VAV1: variants seen among roughly 807,000 people sequenced by gnomAD.
VAV1 encodes proto-oncogene vav.
Under a neutral mutation model 128.1 loss-of-function variants are expected in VAV1, and 33 were observed. The observed-to-expected ratio is 0.26, with a 90% CI of 0.20 to 0.34. The LOEUF is 0.34. VAV1 is among the 10% of genes least tolerant of loss of function. The pLI is 1.00. For missense variants in VAV1, 715 were observed against 1,093.7 expected, an observed-to-expected ratio of 0.65 and a Z score of 4.88; for synonymous variants, 394 against 409.8, an observed-to-expected ratio of 0.96 and a Z score of 0.47.
rs1292201313 is a variant in VAV1 at position 6,840,314 on chromosome 19, T to A, written c.1981-2821T>A. On this transcript the variant is annotated intron_variant, in intron 21 of 26. Transcript: ENST00000602142. Reference sequence around the variant, plus strand: ...TCAGAATTTTCTTTCTTTTTTTTTTTTTTTTTGGTGAAATGGAGTCTCGCT... The same window carrying A: ...TCAGAATTTTCTTTCTTTTTTTTTTATTTTTTGGTGAAATGGAGTCTCGCT... Among the ~76,000 whole-genome samples, 9 of 151,380 alleles carry A rather than the reference T, an allele frequency of 5.9e-5. No homozygotes were observed. The East Asian group carries it at 1.7e-3, about 29-fold the overall frequency.
intron 19 of VAV1, among the ~76,000 whole-genome samples, chr19:6,834,441 A>C (rs1450353287): frequency 6.6e-6 from 1 of 151,314 alleles, no homozygotes; most frequent in Non-Finnish European, 1.5e-5. Flanking sequence ...ACGGGGTTTC[A>C]CCATGTTGGG....
intron 22 of VAV1, among the ~76,000 whole-genome samples, chr19:6,845,078 T>C (rs1041073727): frequency 6.6e-6 from 1 of 152,084 alleles, no homozygotes; most frequent in Non-Finnish European, 1.5e-5. Flanking sequence ...GCATTCGTTT[T>C]TTAAAATTGA....
In VAV1 at chr19:6,798,672, C is replaced by T. The variant is rs935788687; in HGVS notation, c.205-22030C>T. Among the ~76,000 whole-genome samples the T allele has an allele frequency of 4.5e-4, 68 of 151,472 alleles. 1 individual carries two copies. Among genetic ancestry groups the T allele is most frequent in the African/African-American group, 1.6e-3 (64 of 41,190 alleles). ...TGTTTCTCCCCTTCCCCCCCCCACC[C>T]AAAAGAAGGGGGAAAAAAGAAAGAA... On this transcript the variant is annotated intron_variant, in intron 1 of 26. Coordinates refer to ENST00000602142, the MANE Select transcript of VAV1 (RefSeq NM_005428.4).
rs781188420 is a variant in VAV1, at chr19:6,833,902, T to C, written c.1732-6T>C. 6.2e-7 allele frequency: 1 copy of C among 1,614,052 alleles called. No individual in the cohort carries two copies. Among genetic ancestry groups the C allele is most frequent in the Non-Finnish European group, 8.5e-7 (1 of 1,180,012 alleles). On this transcript the variant is annotated splice_polypyrimidine_tract_variant and splice_region_variant and intron_variant, in intron 18 of 26. Coordinates refer to ENST00000602142, the MANE Select transcript of VAV1 (RefSeq NM_005428.4). The stretch of plus-strand genomic sequence containing the variant: ...GTAGACAGGCTTTCTTTGTTTCTCC[T>C]TCCAGGACAAACTACATCGCAGGGC...
At chr19:6,785,661 CTTTT>C (rs754577854) in intron 1 of VAV1, among the ~76,000 whole-genome samples, 1 of 128,502 alleles carries the variant, frequency 7.8e-6, no homozygotes, top group Non-Finnish European at 1.7e-5. Context: ...TTCTTTCTTT[CTTTT>C]TTTTTTTTTT....
Position 6,781,390 on chromosome 19 carries a change from C to A in VAV1, c.204+8379C>A, listed in dbSNP as rs183819770. The stretch of plus-strand genomic sequence containing the variant: ...GCTTCTCTGCCGCCTCCCCGACAGA[C>A]GGTTCTGTTGCCAAGATTCTGGAGT... On this transcript the variant is annotated intron_variant, in intron 1 of 26. Coordinates refer to ENST00000602142, the MANE Select transcript of VAV1 (RefSeq NM_005428.4). Among the ~76,000 whole-genome samples, 11 of 152,272 alleles carry A rather than the reference C, an allele frequency of 7.2e-5. No homozygotes were observed. In the East Asian group the frequency reaches 1.9e-3, roughly 27 times the overall value.
Position 6,784,105 on chromosome 19 carries a change from T to A in VAV1, c.204+11094T>A, listed in dbSNP as rs140178188. The A allele has an allele frequency of 4.1e-3, 1,742 of 424,178 alleles. 8 individuals are homozygous for A. The highest frequency in any genetic ancestry group is 8.2e-3 in the Middle Eastern group (14 of 1,702). The allele number at this position is 424,178 out of a possible 1,614,324, so 26.3% of individuals were successfully genotyped here. On this transcript the variant is annotated intron_variant, in intron 1 of 26. Transcript: ENST00000602142. ...CCCGTCTCTACAAAAAATAAAAAAA[T>A]AAGCCCGGCATGGTGGTGCACGCCT...
chr19:6,818,559 T>C (rs58882129), intron 1 of VAV1, among the ~76,000 whole-genome samples: 57,467 of 151,988 alleles, frequency 0.38, 11,287 homozygotes, highest in East Asian at 0.64. Flanking sequence ...TGGGTTGAAC[T>C]GTGTCCCCCC....
chr19:6,838,505 A>G (rs1972287055), intron 21 of VAV1, among the ~76,000 whole-genome samples: 1 of 151,922 alleles, frequency 6.6e-6, no homozygotes, highest in Non-Finnish European at 1.5e-5. Context: ...TCTATGTATC[A>G]TCTGTCTATG....
intron 22 of VAV1, among the ~76,000 whole-genome samples, chr19:6,846,981 T>C (rs2144820679): frequency 6.6e-6 from 1 of 150,994 alleles, no homozygotes; most frequent in East Asian, 1.9e-4. Flanking sequence ...TGGTGTGATC[T>C]CAGCTCACTG....
rs2144777445 is a variant in VAV1 at position 6,825,539 on chromosome 19, G to A, written c.827+133G>A. 5.7e-6 allele frequency: 4 copies of A among 701,472 alleles called. No homozygotes were observed. The East Asian group carries it at 1.1e-4, about 19-fold the overall frequency. 43.5% of individuals were successfully genotyped at this position (701,472 alleles called of 1,614,324 possible). Reference sequence around the variant, plus strand: ...GCTGTGTGTTCATGGGCGAGGGGCTGCCCATCTCTGGTTCAATTCCCAGCT... The same window carrying A: ...GCTGTGTGTTCATGGGCGAGGGGCTACCCATCTCTGGTTCAATTCCCAGCT... On this transcript the variant is annotated intron_variant, in intron 8 of 26. Coordinates refer to ENST00000602142, the MANE Select transcript of VAV1 (RefSeq NM_005428.4).
At chr19:6,814,967 T>C (rs1166718475) in intron 1 of VAV1, among the ~76,000 whole-genome samples, 1 of 151,806 alleles carries the variant, frequency 6.6e-6, no homozygotes, top group Non-Finnish European at 1.5e-5. Context: ...CTCTTTCTTT[T>C]GATCAGGAAT....
At chr19:6,784,913 G>C (rs561449825) in intron 1 of VAV1, among the ~76,000 whole-genome samples, 12 of 152,032 alleles carry the variant, frequency 7.9e-5, no homozygotes, top group Non-Finnish European at 1.0e-4. Flanking sequence ...GCCCTTCCCT[G>C]GTTCCCCACT....
intron 1 of VAV1, among the ~76,000 whole-genome samples, chr19:6,817,289 C>A (rs562548715): frequency 6.6e-6 from 1 of 151,538 alleles, no homozygotes; most frequent in African/African-American, 2.4e-5. Context: ...GTTTTGAACT[C>A]CTGACCTCAA....
intron 1 of VAV1, chr19:6,816,505 T>A (rs1391456973): frequency 6.8e-6 from 1 of 147,136 alleles, no homozygotes; most frequent in Non-Finnish European, 1.5e-5. Flanking sequence ...TCTCTCTCTC[T>A]CACACGCACA....
At chr19:6,779,886 C>T (rs938242684) in intron 1 of VAV1, among the ~76,000 whole-genome samples, 10 of 149,138 alleles carry the variant, frequency 6.7e-5, no homozygotes, top group African/African-American at 1.7e-4. Context: ...CCGAGGCGGG[C>T]GGATCACAAG....
In VAV1 at chr19:6,850,631, G is replaced by C. The variant is rs763790618; in HGVS notation, c.2130-39G>C. 28 of 1,601,406 alleles carry C rather than the reference G, an allele frequency of 1.7e-5. 2 individuals are homozygous for C. The South Asian group carries it at 2.5e-4, about 15-fold the overall frequency. On this transcript the variant is annotated intron_variant, in intron 23 of 26. Coordinates refer to ENST00000602142, the MANE Select transcript of VAV1 (RefSeq NM_005428.4). ...CTGGGGCTTGGTGGGGAATGGGCCT[G>C]GTCCCCAGACTCAGGGCCCGGTGAC...
intron 1 of VAV1, among the ~76,000 whole-genome samples, chr19:6,795,602 T>C (rs551621372): frequency 1.3e-5 from 2 of 152,298 alleles, no homozygotes; most frequent in African/African-American, 2.4e-5. Context: ...AACGGTTTAC[T>C]ATGTCCTGGC....
chr19:6,824,962 T>C (rs1235628312), intron 6 of VAV1, 91 bp from the exon 7 acceptor site: 8 of 1,336,096 alleles, frequency 6.0e-6, no homozygotes, highest in Non-Finnish European at 8.6e-6. Flanking sequence ...TCTCTTTATC[T>C]CCCTCTCTCT....
Sources: allele counts gnomAD v4.1 joint callset (sites outside exome capture counted in the v4.1 genomes callset), GRCh38; gene constraint gnomAD v4.1.1; transcripts MANE v1.5; gene names NCBI Gene and HGNC (gene_info 2026-07-23, HGNC 2026-07-21).